The following CACNA1B variants were observed in gnomAD, a reference collection of about 807,000 sequenced individuals.
CACNA1B encodes voltage-dependent N-type calcium channel subunit alpha-1B.
In CACNA1B, 70 loss-of-function variants were observed where a neutral mutation model predicts 247.2. That is an observed-to-expected ratio of 0.28 (90% confidence interval 0.23 to 0.35). The LOEUF (loss-of-function observed/expected upper bound fraction) is 0.35. Among genes scored for constraint, CACNA1B ranks in the 10% least tolerant of loss-of-function variants. The pLI, the probability that CACNA1B is intolerant of heterozygous loss-of-function variation, is 1.00. For synonymous variants in CACNA1B, 1,231 were observed against 1,294.4 expected, an observed-to-expected ratio of 0.95 and a Z score of 1.05; for missense variants, 2,367 against 3,197.4, an observed-to-expected ratio of 0.74 and a Z score of 6.26.
chr9:138,118,804 G>A, intron 44 of CACNA1B, 36 bp downstream of exon 44: 1 of 951,650 alleles, frequency 1.1e-6, no homozygotes, highest in Non-Finnish European at 1.6e-6. Flanking sequence ...CCTGGGCTGG[G>A]CAAGTGGGGG....
rs140638720 is a variant in CACNA1B, at chr9:137,971,621, C to T, written c.1543+29C>T. On this transcript the variant is annotated intron_variant, in intron 11 of 46. Transcript: ENST00000371372. This position sits in a 1 kb window ranked among gnomAD's most constrained non-coding sequence, Gnocchi z 4.4. ...CGTATCCCCGTCCCTCCCTCAGGTG[C>T]TTCCTGAGCATCTCTGCTCTCAGTC... is the stretch of plus-strand genomic sequence containing the variant. The T allele has an allele frequency of 9.0e-6, 14 of 1,563,270 alleles. No individual in the cohort carries two copies. The East Asian group carries it at 2.9e-4, about 33-fold the overall frequency.
chr9:138,087,666 G>A (rs1182416140), intron 36 of CACNA1B, among the ~76,000 whole-genome samples: 3 of 115,172 alleles, frequency 2.6e-5, no homozygotes, highest in Non-Finnish European at 4.9e-5. Context: ...AGTGAGCCGA[G>A]ATCATACCAC....
At chr9:138,071,290 G>A (rs539458670) in intron 32 of CACNA1B, among the ~76,000 whole-genome samples, 1 of 152,344 alleles carries the variant, frequency 6.6e-6, no homozygotes, top group South Asian at 2.1e-4. Flanking sequence ...TCCAACTCAG[G>A]TAGAAGTAAG....
intron 42 of CACNA1B, among the ~76,000 whole-genome samples, chr9:138,116,095 C>T (rs1344758460): frequency 6.6e-6 from 1 of 152,224 alleles, no homozygotes; most frequent in Non-Finnish European, 1.5e-5. Flanking sequence ...ACCTGCTTCC[C>T]TTTCAGACAA....
At chr9:137,932,397 C>T (rs1455170771) in intron 6 of CACNA1B, among the ~76,000 whole-genome samples, 1 of 152,164 alleles carries the variant, frequency 6.6e-6, no homozygotes, top group Non-Finnish European at 1.5e-5. Context: ...GTCCAGTTGG[C>T]TGGTAAATCT....
At chr9:137,890,517 A>G (rs1394973079) in intron 3 of CACNA1B, 1 of 150,384 alleles carries the variant, frequency 6.6e-6, no homozygotes, top group Non-Finnish European at 1.5e-5. Flanking sequence ...CGATGGAGCC[A>G]GGGCCCTTCC....
intron 3 of CACNA1B, among the ~76,000 whole-genome samples, chr9:137,894,180 C>T (rs1273717990): frequency 6.6e-6 from 1 of 152,046 alleles, no homozygotes; most frequent in Non-Finnish European, 1.5e-5. Context: ...GCTGTAGTCA[C>T]ATTTTTAGTT....
chr9:138,029,144 A>T (rs570056017), intron 20 of CACNA1B, among the ~76,000 whole-genome samples: 17 of 152,316 alleles, frequency 1.1e-4, no homozygotes, highest in African/African-American at 3.8e-4. Flanking sequence ...GTAATGAAAG[A>T]TATATATGTT....
In CACNA1B at chr9:138,084,809, G is replaced by A. The variant is rs566243730; in HGVS notation, c.5094+6551G>A. On this transcript the variant is annotated intron_variant, in intron 36 of 46. Coordinates refer to ENST00000371372, the MANE Select transcript of CACNA1B (RefSeq NM_000718.4). ...TACTAAAAATACAAAAAAATTAGCCGGGCGCGGTGGTGGGCGCCTGTAGTC... is the reference window on the plus strand; with the variant it reads ...TACTAAAAATACAAAAAAATTAGCCAGGCGCGGTGGTGGGCGCCTGTAGTC... 3.0e-4 allele frequency among the ~76,000 whole-genome samples: 45 copies of A among 150,824 alleles called. 2 individuals carry two copies. The highest frequency in any genetic ancestry group is 1.8e-3 in the Admixed American group (27 of 15,212).
At position 137,986,184 on chromosome 9, in the gene CACNA1B, G is replaced by A. The variant is rs117428628; in HGVS notation, c.1770-229G>A. 3.3e-5 allele frequency among the ~76,000 whole-genome samples: 5 copies of A among 152,146 alleles called. No homozygotes were observed. Among genetic ancestry groups the A allele is most frequent in the Admixed American group, 6.5e-5 (1 of 15,280 alleles). ...GGGACAGGGAGCAGTTTGGGAGGAC[G>A]AAGTGAGTCCTCCACTGGGTGTGTT... is the stretch of plus-strand genomic sequence containing the variant. On this transcript the variant is annotated intron_variant, in intron 13 of 46. Transcript: ENST00000371372. This position sits in a 1 kb window ranked among gnomAD's most constrained non-coding sequence, Gnocchi z 6.0.
chr9:137,929,302 C>T (rs745424756), intron 6 of CACNA1B, among the ~76,000 whole-genome samples: 20 of 152,098 alleles, frequency 1.3e-4, no homozygotes, highest in Admixed American at 2.6e-4. Flanking sequence ...GCCTATAATC[C>T]CAGCACTTTG....
At position 138,043,895 on chromosome 9, in the gene CACNA1B, C is replaced by A. The variant is rs1361162992; in HGVS notation, c.3408C>A (p.Thr1136=). 6 of 1,613,284 alleles carry A rather than the reference C, an allele frequency of 3.7e-6. No individual in the cohort carries two copies. In the African/African-American group the frequency reaches 6.7e-5, roughly 18 times the overall value. The change falls in exon 21 of 47, where the codon ACC becomes ACA. Residue 1136 remains threonine (T), a synonymous_variant. Coordinates refer to ENST00000371372, the MANE Select transcript of CACNA1B (RefSeq NM_000718.4). The stretch of plus-strand genomic sequence containing the variant: ...GCTCCATGTTCTGTTTAAGCCCCAC[C>A]AACCTGTGAGTCTCCTTGCCTGCTG... ...PYSSMFCLSP[T]NLLRRFCHYI... is the part of the protein sequence containing the mutation.
In CACNA1B at chr9:138,010,965, C is replaced by A. The variant is rs1034992094; in HGVS notation, c.2160+888C>A. On this transcript the variant is annotated intron_variant, in intron 17 of 46. Transcript: ENST00000371372. This position sits in a 1 kb window ranked among gnomAD's most constrained non-coding sequence, Gnocchi z 5.3. Reference sequence around the variant, plus strand: ...TGCTGTGCAGGTGCCCCTGCTCCCCCCAGCCGAGCTCTCCAGGAGGGGGGT... The same window carrying A: ...TGCTGTGCAGGTGCCCCTGCTCCCCACAGCCGAGCTCTCCAGGAGGGGGGT... 1.3e-5 allele frequency among the ~76,000 whole-genome samples: 2 copies of A among 152,196 alleles called. No homozygotes were observed. The highest frequency in any genetic ancestry group is 4.8e-5 in the African/African-American group (2 of 41,446).
chr9:138,118,542 T>C, intron 43 of CACNA1B, 110 bp from the exon 44 acceptor site: 1 of 614,256 alleles, frequency 1.6e-6, no homozygotes, highest in Non-Finnish European at 2.9e-6. Flanking sequence ...TAGGTGAGAC[T>C]GAGATGGATT....
At position 137,954,568 on chromosome 9, in the gene CACNA1B, G is replaced by GC. The variant is rs1445652358; in HGVS notation, c.1071-1124dup. 6.6e-6 allele frequency among the ~76,000 whole-genome samples: 1 copy of GC among 152,048 alleles called. No individual in the cohort carries two copies. Among genetic ancestry groups the GC allele is most frequent in the African/African-American group, 2.4e-5 (1 of 41,374 alleles). ...GCAGTGATGTCCTTGCCCTTCCCCT[G>GC]CCCCCCAGGCCCTCTCATTCTCAGG... On this transcript the variant is annotated intron_variant, in intron 7 of 46. Coordinates refer to ENST00000371372, the MANE Select transcript of CACNA1B (RefSeq NM_000718.4). This position sits in a 1 kb window ranked among gnomAD's most constrained non-coding sequence, Gnocchi z 4.1.
rs1445027851 is a variant in CACNA1B, at chr9:138,013,263, G to C, written c.2267+28G>C. On this transcript the variant is annotated intron_variant, in intron 18 of 46. Coordinates refer to ENST00000371372, the MANE Select transcript of CACNA1B (RefSeq NM_000718.4). ...AAGGCTCCTAGGAGTGGATTGTGGG[G>C]TGGCAGTGGGGCTGCTGCAGGGTCC... is the stretch of plus-strand genomic sequence containing the variant. 12 of 1,515,108 alleles carry C rather than the reference G, an allele frequency of 7.9e-6. No individual in the cohort carries two copies. The Admixed American group carries it at 1.5e-4, about 19-fold the overall frequency. The allele number at this position is 1,515,108 out of a possible 1,614,324, so 93.9% of individuals were successfully genotyped here.
In CACNA1B at chr9:137,914,205, A is replaced by G. The variant is rs1589001892; in HGVS notation, c.623-449A>G. ...CTTCCTCCCAGGATCCCCTGCCCTT[A>G]GCTCCCAGCATTCTCTGCTCTTCCC... is the stretch of plus-strand genomic sequence containing the variant. On this transcript the variant is annotated intron_variant, in intron 4 of 46. Transcript: ENST00000371372. This position sits in a 1 kb window ranked among gnomAD's most constrained non-coding sequence, Gnocchi z 4.3. Among the ~76,000 whole-genome samples the G allele has an allele frequency of 6.6e-6, 1 of 151,406 alleles. No homozygotes were observed. The highest frequency in any genetic ancestry group is 6.6e-5 in the Admixed American group (1 of 15,210).
rs1374665098 is a variant in CACNA1B, at chr9:137,884,964, C to CG, written c.530+2081_530+2082insG. ...CTCCCTCCTCTCCCCTCTTCCCCCC[C>CG]CCCCTCCTCCCACTTTGCCTGTCTA... On this transcript the variant is annotated intron_variant, in intron 3 of 46. Transcript: ENST00000371372. Among the ~76,000 whole-genome samples, 691 of 109,126 alleles carry CG rather than the reference C, an allele frequency of 6.3e-3. 25 individuals carry two copies. Among genetic ancestry groups the CG allele is most frequent in the Admixed American group, 0.053 (632 of 11,874 alleles). 71.6% of individuals were successfully genotyped at this position (109,126 alleles called of 152,430 possible). A position where few individuals can be genotyped will look rare whatever the true frequency, so the allele number is the denominator to read the frequency against.
chr9:138,056,933 G>GA (rs561137267), intron 26 of CACNA1B, among the ~76,000 whole-genome samples: 1 of 113,496 alleles, frequency 8.8e-6, no homozygotes, highest in Non-Finnish European at 1.7e-5. Flanking sequence ...TTTTATTTGG[G>GA]TTTTTTTTTT....
Sources: gnomAD v4.1 joint callset for allele counts (sites outside exome capture counted in the v4.1 genomes callset) on GRCh38, gnomAD v4.1.1 for gene constraint, Gnocchi (gnomAD v3.1) non-coding constraint, MANE v1.5 for transcripts, NCBI Gene and HGNC (gene_info 2026-07-23, HGNC 2026-07-21) for gene names.